NR2C2: variants seen among roughly 807,000 people sequenced by gnomAD.
The protein encoded by NR2C2 is nuclear receptor subfamily 2 group C member 2.
NR2C2 carries 6 observed loss-of-function variants against 62.9 expected under a neutral mutation model. That is an observed-to-expected ratio of 0.10 (90% CI 0.05 to 0.19). The LOEUF (loss-of-function observed/expected upper bound fraction) is 0.19, where lower values mean the gene tolerates loss of function less well. Among genes scored for constraint, NR2C2 ranks in the 10% least tolerant of loss-of-function variants. The probability of loss-of-function intolerance (pLI) is 1.00; values close to 1 mark genes in which losing one functional copy is unlikely to be tolerated. For missense variants in NR2C2, 479 were observed against 762.7 expected (o/e 0.63, Z 4.38); for synonymous variants, 272 against 273.8 (o/e 0.99, Z 0.07).
intron 1 of NR2C2, among the ~76,000 whole-genome samples, chr3:14,996,425 T>C (rs576422703): frequency 1.3e-5 from 2 of 152,224 alleles, no homozygotes; most frequent in Non-Finnish European, 2.9e-5. Context: ...TTCAGGTTTG[T>C]GACAGTATCA....
intron 1 of NR2C2, among the ~76,000 whole-genome samples, chr3:14,957,065 T>G (rs1339880944): frequency 6.6e-6 from 1 of 152,230 alleles, no homozygotes; most frequent in Non-Finnish European, 1.5e-5. Context: ...GATCAAATCT[T>G]CACTATAACC....
intron 2 of NR2C2, among the ~76,000 whole-genome samples, chr3:15,010,069 A>G (rs1487797359): frequency 1.3e-5 from 2 of 152,228 alleles, no homozygotes; most frequent in Non-Finnish European, 2.9e-5. Flanking sequence ...ACTGGGAATT[A>G]TGGCTGGAAT....
In NR2C2 at chr3:15,024,171, G is replaced by A. The variant is rs770972367; in HGVS notation, c.761G>A (p.Arg254His). The A allele has an allele frequency of 1.7e-5, 28 of 1,612,502 alleles. No homozygotes were observed. The highest frequency in any genetic ancestry group is 1.1e-4 in the African/African-American group (8 of 74,832). ...MLVNIQQPLI[R>H]EDGTVLLATD... ...GTGAACATCCAGCAGCCTTTGATAC[G>A]TGAGGATGGTACAGTTCTCCTGGCC... is the stretch of plus-strand genomic sequence containing the variant. Residue 254 changes from arginine (R) to histidine (H), a missense_variant, in exon 7 of 14, where the codon CGT becomes CAT. By Grantham distance (29) the Arg-to-His change is conservative. This residue lies in a region of NR2C2 where 151 missense variants were observed against 176.1 expected (regional missense o/e 0.86). Transcript: ENST00000425241.
Position 15,039,141 on chromosome 3 carries a change from C to T in NR2C2, c.1530C>T (p.Ser510=), listed in dbSNP as rs768840537. Residue 510 remains serine, a synonymous_variant, in exon 13 of 14, where the codon AGC becomes AGT. Coordinates refer to ENST00000425241, the MANE Select transcript of NR2C2 (RefSeq NM_001291694.2). ...TTTCAGATCATCCAGGTTTGACCAG[C>T]ACAAGCCAGATTGAAAAATTCCAAG... is the stretch of plus-strand genomic sequence containing the variant. The part of the protein sequence containing the change: ...LFSPDHPGLT[S]TSQIEKFQEK... 25 of 1,613,902 alleles carry T rather than the reference C, an allele frequency of 1.5e-5. No individual in the cohort carries two copies. In the East Asian group the frequency reaches 5.3e-4, roughly 35 times the overall value.
At chr3:15,029,842 T>TAGATTAAAG (rs748604063) in intron 8 of NR2C2, among the ~76,000 whole-genome samples, 3 of 112,560 alleles carry the variant, frequency 2.7e-5, no homozygotes, top group East Asian at 2.2e-4. Context: ...GATAGATAGA[T>TAGATTAAAG]ATAGATAGAC....
At chr3:14,999,264 C>T (rs1452980019) in intron 1 of NR2C2, among the ~76,000 whole-genome samples, 6 of 151,608 alleles carry the variant, frequency 4.0e-5, no homozygotes, top group Admixed American at 1.3e-4. Flanking sequence ...TGCGATGAGC[C>T]GAGATCGCAC....
intron 1 of NR2C2, among the ~76,000 whole-genome samples, chr3:14,966,845 C>T (rs1269413902): frequency 2.6e-5 from 4 of 151,536 alleles, no homozygotes; most frequent in Non-Finnish European, 5.9e-5. Flanking sequence ...AGTGTAGACT[C>T]TGGAGCCAGA....
intron 1 of NR2C2, among the ~76,000 whole-genome samples, chr3:14,985,882 C>T (rs935673965): frequency 6.6e-6 from 1 of 152,120 alleles, no homozygotes; most frequent in Admixed American, 6.5e-5. Flanking sequence ...TCTCTGTAGA[C>T]TAGAAGTAGA....
At chr3:15,028,048 C>T (rs2041872638) in intron 7 of NR2C2, among the ~76,000 whole-genome samples, 1 of 152,048 alleles carries the variant, frequency 6.6e-6, no homozygotes. Flanking sequence ...TTAGTAGAGA[C>T]AGGGTTTCAC....
chr3:15,016,105 A>G, intron 3 of NR2C2, 47 bp from the exon 4 acceptor site: 1 of 1,463,616 alleles, frequency 6.8e-7, no homozygotes, highest in Non-Finnish European at 9.6e-7. Context: ...CCCGGCAGTG[A>G]TTTGATTTTT....
At chr3:15,003,819 C>A in intron 1 of NR2C2, 57 bp from the exon 2 acceptor site, 2 of 1,170,598 alleles carry the variant, frequency 1.7e-6, no homozygotes, top group Non-Finnish European at 1.3e-6. Flanking sequence ...GGTCTTCAGG[C>A]CACCTCTGGG....
intron 2 of NR2C2, among the ~76,000 whole-genome samples, chr3:15,007,893 T>G (rs927180293): frequency 6.6e-6 from 1 of 152,190 alleles, no homozygotes; most frequent in African/African-American, 2.4e-5. Context: ...GATATATAAA[T>G]GGAGCTCAAG....
chr3:15,002,367 A>T (rs1043890810), intron 1 of NR2C2, among the ~76,000 whole-genome samples: 1 of 152,096 alleles, frequency 6.6e-6, no homozygotes, highest in African/African-American at 2.4e-5. Flanking sequence ...CTTTAATGCA[A>T]TGTATAGAAC....
intron 1 of NR2C2, among the ~76,000 whole-genome samples, chr3:14,994,067 G>A (rs143508397): frequency 5.9e-5 from 9 of 152,216 alleles, no homozygotes; most frequent in African/African-American, 1.9e-4. Flanking sequence ...ACCAGGTTCC[G>A]GTAAAGCATA....
At chr3:14,993,741 A>G (rs1185644136) in intron 1 of NR2C2, among the ~76,000 whole-genome samples, 1 of 152,072 alleles carries the variant, frequency 6.6e-6, no homozygotes, top group East Asian at 1.9e-4. Context: ...TATTCACTCA[A>G]TCTAAATTTA....
chr3:15,015,711 C>T (rs940384263), intron 3 of NR2C2, among the ~76,000 whole-genome samples: 3 of 152,186 alleles, frequency 2.0e-5, no homozygotes, highest in Non-Finnish European at 4.4e-5. Flanking sequence ...AAGTTGTCTT[C>T]TGGAATTTTG....
chr3:15,040,072 T>C (rs2042212839), intron 13 of NR2C2, among the ~76,000 whole-genome samples: 2 of 152,000 alleles, frequency 1.3e-5, no homozygotes, highest in African/African-American at 4.8e-5. Context: ...GGAGAATCTC[T>C]TGAACCTGGT....
intron 1 of NR2C2, among the ~76,000 whole-genome samples, chr3:14,970,568 AG>A (rs2040007353): frequency 6.6e-6 from 1 of 152,220 alleles, no homozygotes; most frequent in East Asian, 1.9e-4. Context: ...TTATGTAAAT[AG>A]AATCATGTAA....
rs1372092425 is a variant in NR2C2, at chr3:15,048,419, TAAGAA to T, written c.*5415_*5419del. ...TCTACAAATAATTAAAGTGTGAGCT[TAAGAA>T]AAGTATCTTTGCGGGGAGAAAAATG... On this transcript the variant is annotated 3_prime_UTR_variant, in exon 14 of 14. Transcript: ENST00000425241. 8 of 152,650 alleles carry T rather than the reference TAAGAA, an allele frequency of 5.2e-5. No homozygotes were observed. Among genetic ancestry groups the T allele is most frequent in the Non-Finnish European group, 1.0e-4 (7 of 68,036 alleles). The allele number at this position is 152,650 out of a possible 1,614,324, so 9.5% of individuals were successfully genotyped here.
Sources: gnomAD v4.1 joint callset for allele counts (sites outside exome capture counted in the v4.1 genomes callset) on GRCh38, gnomAD v4.1.1 for gene constraint, gnomAD v4.1.1 regional missense constraint, MANE v1.5 for transcripts, NCBI Gene and HGNC (gene_info 2026-07-23, HGNC 2026-07-21) for gene names.